KCTD8: variants seen among roughly 807,000 people sequenced by gnomAD.
The protein encoded by KCTD8 is BTB/POZ domain-containing protein KCTD8.
A neutral mutation model predicts 31.5 loss-of-function variants in KCTD8; 27 were observed. The ratio of observed to expected loss-of-function variants is 0.86; its 90% CI spans 0.63 to 1.18. KCTD8 has a LOEUF of 1.18. Ranked by LOEUF, KCTD8 falls within the 50% of genes most tolerant of loss-of-function variation. The pLI, the probability that KCTD8 is intolerant of heterozygous loss-of-function variation, is 0.00. For synonymous variants in KCTD8, 290 were observed against 280.0 expected (o/e 1.04, Z -0.36); for missense variants, 658 against 647.7 (o/e 1.02, Z -0.17).
At chr4:44,197,248 G>C (rs1713973429) in intron 1 of KCTD8, among the ~76,000 whole-genome samples, 1 of 152,138 alleles carries the variant, frequency 6.6e-6, no homozygotes, top group African/African-American at 2.4e-5. Context: ...GGCCAGCAGA[G>C]GAGGAGGGTA....
intron 1 of KCTD8, among the ~76,000 whole-genome samples, chr4:44,352,442 G>A (rs1428436982): frequency 1.3e-5 from 2 of 149,220 alleles, no homozygotes; most frequent in African/African-American, 4.9e-5. Flanking sequence ...CATAAAAAGA[G>A]AATAGAATGG....
intron 1 of KCTD8, among the ~76,000 whole-genome samples, chr4:44,415,510 C>T (rs1228699600): frequency 6.6e-6 from 1 of 152,164 alleles, no homozygotes; most frequent in African/African-American, 2.4e-5. Flanking sequence ...CCTCCCATCA[C>T]AAACCCTGAA....
At chr4:44,316,420 T>C (rs1307793982) in intron 1 of KCTD8, among the ~76,000 whole-genome samples, 1 of 152,112 alleles carries the variant, frequency 6.6e-6, no homozygotes, top group Admixed American at 6.6e-5. Context: ...TTGGTTTGTT[T>C]TTAGTTCATC....
chr4:44,402,024 T>C (rs911888077), intron 1 of KCTD8, among the ~76,000 whole-genome samples: 5 of 152,180 alleles, frequency 3.3e-5, no homozygotes, highest in East Asian at 1.9e-4. Flanking sequence ...CAAGCTTGTA[T>C]ATTATTTTTA....
chr4:44,357,816 T>A (rs1719383659), intron 1 of KCTD8, among the ~76,000 whole-genome samples: 1 of 151,856 alleles, frequency 6.6e-6, no homozygotes. Flanking sequence ...ATCATTAAAA[T>A]AAAAGGAAAC....
At chr4:44,294,610 C>A (rs1717376434) in intron 1 of KCTD8, among the ~76,000 whole-genome samples, 1 of 152,110 alleles carries the variant, frequency 6.6e-6, no homozygotes, top group Non-Finnish European at 1.5e-5. Flanking sequence ...ACCTGATTTT[C>A]ATGATAGCTT....
chr4:44,286,856 G>A (rs1717094732), intron 1 of KCTD8, among the ~76,000 whole-genome samples: 1 of 152,126 alleles, frequency 6.6e-6, no homozygotes, highest in South Asian at 2.1e-4. Context: ...GATGGTGAGA[G>A]TGGATATGGA....
chr4:44,389,279 T>C (rs2109449029), intron 1 of KCTD8, among the ~76,000 whole-genome samples: 1 of 151,864 alleles, frequency 6.6e-6, no homozygotes, highest in East Asian at 2.0e-4. Context: ...AACAGTATAA[T>C]TGAGTTGTCT....
chr4:44,347,164 A>G (rs1273635954), intron 1 of KCTD8, among the ~76,000 whole-genome samples: 3 of 152,236 alleles, frequency 2.0e-5, no homozygotes, highest in African/African-American at 7.2e-5. Context: ...ACTTGTAGAA[A>G]TGAGCAATTG....
chr4:44,356,745 TAC>T (rs1719353385), intron 1 of KCTD8, among the ~76,000 whole-genome samples: 1 of 152,166 alleles, frequency 6.6e-6, no homozygotes, highest in African/African-American at 2.4e-5. Context: ...GTGCTGGGAT[TAC>T]AGGTGTGAGC....
At chr4:44,235,176 G>A (rs1715237886) in intron 1 of KCTD8, among the ~76,000 whole-genome samples, 1 of 145,878 alleles carries the variant, frequency 6.9e-6, no homozygotes, top group Non-Finnish European at 1.5e-5. Flanking sequence ...ATTTCAGACA[G>A]TGACAGTGTG....
chr4:44,416,191 C>G (rs1050910999), intron 1 of KCTD8, among the ~76,000 whole-genome samples: 1 of 152,216 alleles, frequency 6.6e-6, no homozygotes, highest in Non-Finnish European at 1.5e-5. Context: ...CCTACTGTCT[C>G]TCTCTTTTGG....
chr4:44,329,234 A>G (rs1718531891), intron 1 of KCTD8, among the ~76,000 whole-genome samples: 1 of 151,514 alleles, frequency 6.6e-6, no homozygotes, highest in African/African-American at 2.4e-5. Context: ...TATTTAAAAC[A>G]TGCTGAGATA....
intron 1 of KCTD8, among the ~76,000 whole-genome samples, chr4:44,436,160 T>TA (rs1036689539): frequency 1.3e-5 from 2 of 152,090 alleles, no homozygotes; most frequent in Non-Finnish European, 2.9e-5. Flanking sequence ...CACCTATAAA[T>TA]AGTCTTGCCT....
At chr4:44,264,965 C>T (rs1197132448) in intron 1 of KCTD8, among the ~76,000 whole-genome samples, 1 of 152,182 alleles carries the variant, frequency 6.6e-6, no homozygotes, top group African/African-American at 2.4e-5. Flanking sequence ...GGGGGCAGGG[C>T]ACAGACAAAC....
At chr4:44,417,764 C>G (rs1297060787) in intron 1 of KCTD8, among the ~76,000 whole-genome samples, 1 of 152,192 alleles carries the variant, frequency 6.6e-6, no homozygotes, top group Non-Finnish European at 1.5e-5. Context: ...ACAAGCTGCT[C>G]TAAGACCTGT....
At chr4:44,266,986 G>A (rs1206776685) in intron 1 of KCTD8, among the ~76,000 whole-genome samples, 5 of 152,144 alleles carry the variant, frequency 3.3e-5, no homozygotes, top group East Asian at 1.9e-4. Flanking sequence ...ACAGATCAAC[G>A]AGACAAAAAG....
At chr4:44,217,600 C>T (rs543456237) in intron 1 of KCTD8, among the ~76,000 whole-genome samples, 1 of 152,094 alleles carries the variant, frequency 6.6e-6, no homozygotes, top group Non-Finnish European at 1.5e-5. Flanking sequence ...CAGTGGACTG[C>T]GGAAGGAAGA....
At chr4:44,288,817 T>C (rs2109383605) in intron 1 of KCTD8, among the ~76,000 whole-genome samples, 1 of 152,212 alleles carries the variant, frequency 6.6e-6, no homozygotes, top group South Asian at 2.1e-4. Flanking sequence ...TCTTCCTTTC[T>C]GCATATATAC....
Sources: allele counts gnomAD v4.1 joint callset (sites outside exome capture counted in the v4.1 genomes callset), GRCh38; gene constraint gnomAD v4.1.1; transcripts MANE v1.5; gene names NCBI Gene and HGNC (gene_info 2026-07-23, HGNC 2026-07-21).